The following UVRAG variants were observed in gnomAD, a reference collection of about 807,000 sequenced individuals.
UVRAG encodes UV radiation resistance-associated gene protein.
UVRAG carries 19 observed loss-of-function variants against 78.0 expected under a neutral mutation model. The ratio of observed to expected loss-of-function variants is 0.24; its 90% CI spans 0.17 to 0.36. The LOEUF (loss-of-function observed/expected upper bound fraction) is 0.36. Ranked by LOEUF, UVRAG falls within the 10% of genes least tolerant of loss-of-function variation. UVRAG has a pLI of 1.00. For missense variants in UVRAG, 740 were observed against 853.8 expected, an observed-to-expected ratio of 0.87 and a Z score of 1.66; for synonymous variants, 323 against 324.6, an observed-to-expected ratio of 1.00 and a Z score of 0.05.
At chr11:76,039,113 A>C (rs1371048680) in intron 12 of UVRAG, among the ~76,000 whole-genome samples, 1 of 152,140 alleles carries the variant, frequency 6.6e-6, no homozygotes, top group African/African-American at 2.4e-5. Flanking sequence ...ATATTGTGTG[A>C]CTTTGGACAA....
intron 1 of UVRAG, among the ~76,000 whole-genome samples, chr11:75,829,980 C>T (rs1945617774): frequency 6.6e-6 from 1 of 152,134 alleles, no homozygotes; most frequent in Non-Finnish European, 1.5e-5. Flanking sequence ...GCTGGGACTA[C>T]AGGTGCGTGC....
At chr11:75,851,582 G>C (rs1301599405) in intron 1 of UVRAG, among the ~76,000 whole-genome samples, 1 of 152,162 alleles carries the variant, frequency 6.6e-6, no homozygotes, top group Non-Finnish European at 1.5e-5. Flanking sequence ...TTATGTTCCA[G>C]GGAATACTAA....
Position 76,007,547 on chromosome 11 carries a change from A to C in UVRAG, c.925A>C (p.Lys309Gln). Residue 309 changes from lysine (K) to glutamine (Q), a missense_variant, in exon 10 of 15, where the codon AAG becomes CAG. Coordinates refer to ENST00000356136, the MANE Select transcript of UVRAG (RefSeq NM_003369.4). ...ECTAKRELFL[K>Q]TNAQLTIRCR... ...TTTCCTCATTAGAGAACTCTTCTTG[A>C]AGACTAATGCTCAGTTGACAATTCG... The C allele has an allele frequency of 6.2e-7, 1 of 1,613,258 alleles. No individual in the cohort carries two copies.
chr11:75,825,465 A>G (rs1945491797), intron 1 of UVRAG, among the ~76,000 whole-genome samples: 1 of 152,186 alleles, frequency 6.6e-6, no homozygotes, highest in Non-Finnish European at 1.5e-5. Flanking sequence ...GTATTTTAGC[A>G]GTTGCCTCCT....
At chr11:76,064,315 A>G (rs1002132022) in intron 12 of UVRAG, among the ~76,000 whole-genome samples, 1 of 152,326 alleles carries the variant, frequency 6.6e-6, no homozygotes, top group African/African-American at 2.4e-5. Context: ...GATTTTCTCT[A>G]AAGTGCCCCT....
At chr11:76,011,659 A>G (rs1326800319) in intron 11 of UVRAG, among the ~76,000 whole-genome samples, 1 of 152,156 alleles carries the variant, frequency 6.6e-6, no homozygotes, top group South Asian at 2.1e-4. Flanking sequence ...TTATGTTAAT[A>G]TCCTGCAGGC....
intron 13 of UVRAG, among the ~76,000 whole-genome samples, chr11:76,114,466 T>A (rs995194048): frequency 2.0e-5 from 3 of 152,220 alleles, no homozygotes; most frequent in African/African-American, 7.2e-5. Context: ...ATCTTTGCCA[T>A]TGAACCATGC....
At chr11:76,115,629 C>T (rs141668844) in intron 13 of UVRAG, among the ~76,000 whole-genome samples, 168 of 152,292 alleles carry the variant, frequency 1.1e-3, no homozygotes, top group African/African-American at 3.8e-3. Context: ...GAAATATCCT[C>T]ATTCCACAGT....
intron 8 of UVRAG, among the ~76,000 whole-genome samples, chr11:76,003,118 ATG>A (rs996611191): frequency 3.9e-5 from 6 of 152,088 alleles, no homozygotes; most frequent in African/African-American, 1.4e-4. Context: ...ATCATTTAAA[ATG>A]TGAAATATTC....
chr11:75,893,670 CAAAAAA>C (rs1048785134), intron 5 of UVRAG, among the ~76,000 whole-genome samples: 13 of 60,390 alleles, frequency 2.2e-4, no homozygotes, highest in South Asian at 6.6e-4. Context: ...CTATCTCTAC[CAAAAAA>C]AAAAAAAAAA....
At chr11:75,891,139 T>C (rs540573920) in intron 5 of UVRAG, among the ~76,000 whole-genome samples, 1 of 152,316 alleles carries the variant, frequency 6.6e-6, no homozygotes, top group South Asian at 2.1e-4. Flanking sequence ...CAACATACTA[T>C]GTATACCTTT....
intron 6 of UVRAG, among the ~76,000 whole-genome samples, chr11:75,955,976 A>G (rs975188249): frequency 2.0e-5 from 3 of 152,030 alleles, no homozygotes; most frequent in African/African-American, 7.3e-5. Context: ...CACTCTTTTG[A>G]TTTGTCACCA....
chr11:75,893,033 C>T (rs897614763), intron 5 of UVRAG, among the ~76,000 whole-genome samples: 2 of 151,934 alleles, frequency 1.3e-5, no homozygotes, highest in African/African-American at 4.8e-5. Flanking sequence ...CAAAAATTAG[C>T]CAGGCATAGT....
At chr11:76,033,835 T>G (rs544666579) in intron 12 of UVRAG, among the ~76,000 whole-genome samples, 434 of 152,250 alleles carry the variant, frequency 2.9e-3, no homozygotes, top group Non-Finnish European at 5.2e-3. Flanking sequence ...AGAATGTCTA[T>G]TTAGTACCAG....
intron 1 of UVRAG, among the ~76,000 whole-genome samples, chr11:75,819,718 C>T (rs543644391): frequency 6.6e-6 from 1 of 151,594 alleles, no homozygotes; most frequent in African/African-American, 2.4e-5. Flanking sequence ...CCTCTAATAC[C>T]AGCACTTTGG....
chr11:75,916,400 A>G (rs763011328), intron 6 of UVRAG: 19 of 152,254 alleles, frequency 1.2e-4, no homozygotes, highest in Non-Finnish European at 2.6e-4. Context: ...TATAGTAGAC[A>G]TTTAATAAAT....
intron 13 of UVRAG, among the ~76,000 whole-genome samples, chr11:76,087,161 C>T (rs61894372): frequency 3.9e-5 from 6 of 152,138 alleles, no homozygotes; most frequent in African/African-American, 7.2e-5. Flanking sequence ...TTTCTACATG[C>T]GCACACACAT....
chr11:76,048,683 T>C (rs934466883), intron 12 of UVRAG, among the ~76,000 whole-genome samples: 46 of 152,360 alleles, frequency 3.0e-4, no homozygotes, highest in African/African-American at 1.1e-3. Context: ...CTCAAATACA[T>C]TCTGAATATA....
In UVRAG at chr11:75,900,008, C is replaced by G. The variant is rs902800274; in HGVS notation, c.507+11105C>G. 2.6e-5 allele frequency among the ~76,000 whole-genome samples: 4 copies of G among 152,218 alleles called. No individual in the cohort carries two copies. In the East Asian group the frequency reaches 7.7e-4, roughly 29 times the overall value. ...CTGCTGCTGCAGTGTGGTCCCCATT[C>G]TCTCTCTTCATTGAAGCCAGAGAAT... On this transcript the variant is annotated intron_variant, in intron 5 of 14. Transcript: ENST00000356136.
Sources: gnomAD v4.1 joint callset for allele counts (sites outside exome capture counted in the v4.1 genomes callset) on GRCh38, gnomAD v4.1.1 for gene constraint, MANE v1.5 for transcripts, NCBI Gene and HGNC (gene_info 2026-07-23, HGNC 2026-07-21) for gene names.